TPTE2: variants seen among roughly 807,000 people sequenced by gnomAD.
TPTE2 encodes the protein transmembrane phosphoinositide 3-phosphatase and tensin homolog 2, also known as phosphatidylinositol 3,4,5-trisphosphate 3-phosphatase TPTE2.
A neutral mutation model predicts 78.6 loss-of-function variants in TPTE2; 53 were observed. The ratio of observed to expected loss-of-function variants is 0.67; its 90% CI spans 0.54 to 0.85. TPTE2 has a LOEUF of 0.85. Among genes scored for constraint, TPTE2 ranks in the 40% least tolerant of loss-of-function variants. The probability of loss-of-function intolerance (pLI) is 0.00; values close to 1 mark genes in which losing one functional copy is unlikely to be tolerated. For missense variants in TPTE2, 461 were observed against 623.0 expected (o/e 0.74, Z 2.77); for synonymous variants, 175 against 206.2 (o/e 0.85, Z 1.30).
intron 10 of TPTE2, among the ~76,000 whole-genome samples, chr13:19,457,766 GT>G: frequency 6.6e-6 from 1 of 151,868 alleles, no homozygotes; most frequent in African/African-American, 2.4e-5. Context: ...TTTTTTTGTT[GT>G]TGTTTTTTTA....
the TPTE2 span, among the ~76,000 whole-genome samples, chr13:19,545,293 A>G: frequency 6.6e-6 from 1 of 152,210 alleles, no homozygotes; most frequent in Non-Finnish European, 1.5e-5. Flanking sequence ...GATAAGGAAC[A>G]AAAAACAGGA....
Position 19,487,604 on chromosome 13 carries a change from C to T in TPTE2, c.120-5057G>A, listed in dbSNP as rs994890955. Among the ~76,000 whole-genome samples, 3 of 152,138 alleles carry T rather than the reference C, an allele frequency of 2.0e-5. No individual in the cohort carries two copies. In the East Asian group the frequency reaches 5.8e-4, roughly 29 times the overall value. On this transcript the variant is annotated intron_variant, in intron 3 of 19. Transcript: ENST00000400230. ...AAGTGTGGTGGTGGGGGTTGATTTCCCTGCTCTGCATTACTTGAGTTACAG... is the reference window on the plus strand; with the variant it reads ...AAGTGTGGTGGTGGGGGTTGATTTCTCTGCTCTGCATTACTTGAGTTACAG...
chr13:19,551,093 A>G, the TPTE2 span, among the ~76,000 whole-genome samples: 884 of 152,300 alleles, frequency 5.8e-3, 32 homozygotes, highest in East Asian at 0.083. Context: ...AGAAGAGGAA[A>G]CTAAGGCCCA....
chr13:19,433,666 G>C lies in TPTE2; in HGVS notation c.1117-1088C>G, dbSNP rs1482870149. On this transcript the variant is annotated intron_variant, in intron 15 of 19. Transcript: ENST00000400230. ...AGTCCTTAACTTAGGAGTAGATGTA[G>C]TCAGTAGAATGGCCCACAATGCAGG... Among the ~76,000 whole-genome samples, 9 of 152,160 alleles carry C rather than the reference G, an allele frequency of 5.9e-5. No homozygotes were observed. In the South Asian group the frequency reaches 6.2e-4, roughly 11 times the overall value.
chr13:19,464,333 AT>A, intron 10 of TPTE2, 122 bp downstream of exon 13: 4 of 1,055,532 alleles, frequency 3.8e-6, no homozygotes, highest in Middle Eastern at 2.1e-4. Flanking sequence ...ATCCATTATG[AT>A]TTTTTTACTT....
upstream of TPTE2, among the ~76,000 whole-genome samples, chr13:19,506,905 T>G (rs921384434): frequency 6.6e-6 from 1 of 152,198 alleles, no homozygotes; most frequent in African/African-American, 2.4e-5. Flanking sequence ...TTCTAAAAGT[T>G]TTGGCTACTA....
the TPTE2 span, among the ~76,000 whole-genome samples, chr13:19,547,232 G>A: frequency 6.6e-6 from 1 of 152,168 alleles, no homozygotes; most frequent in African/African-American, 2.4e-5. Context: ...TGAGGCGGGT[G>A]GATTGCTTGA....
chr13:19,507,289 A>G (rs1472527190), upstream of TPTE2, among the ~76,000 whole-genome samples: 1 of 142,934 alleles, frequency 7.0e-6, no homozygotes, highest in Non-Finnish European at 1.5e-5. Context: ...CCTACAACTA[A>G]TAAACTAGCT....
chr13:19,545,689 G>A, the TPTE2 span, among the ~76,000 whole-genome samples: 1 of 152,204 alleles, frequency 6.6e-6, no homozygotes, highest in Non-Finnish European at 1.5e-5. Context: ...AATGAAGCCA[G>A]TGGTTAACTA....
chr13:19,509,157 T>C (rs1170853495), intron 1 of TPTE2, among the ~76,000 whole-genome samples: 1 of 152,152 alleles, frequency 6.6e-6, no homozygotes, highest in Non-Finnish European at 1.5e-5. Context: ...AATTTACTGA[T>C]ATATAAGCAT....
intron 14 of TPTE2, among the ~76,000 whole-genome samples, chr13:19,437,177 A>C (rs981930661): frequency 6.6e-6 from 1 of 152,194 alleles, no homozygotes; most frequent in African/African-American, 2.4e-5. Context: ...CTGATAAATC[A>C]TGATCCACAG....
At chr13:19,465,301 C>T in exon 9 of TPTE2, 2 of 1,613,816 alleles carry the variant, frequency 1.2e-6, no homozygotes, top group Non-Finnish European at 1.7e-6. Flanking sequence ...TTGTGTATCG[C>T]CTTTTGTTTT....
chr13:19,494,942 T>C (rs978188436), intron 1 of TPTE2, among the ~76,000 whole-genome samples: 2 of 152,346 alleles, frequency 1.3e-5, no homozygotes, highest in Non-Finnish European at 1.5e-5. Context: ...ATTTGTCTTT[T>C]TATTAGAAAT....
intron 1 of TPTE2, among the ~76,000 whole-genome samples, chr13:19,517,557 C>T (rs1263994247): frequency 2.0e-5 from 3 of 152,140 alleles, no homozygotes; most frequent in African/African-American, 7.2e-5. Flanking sequence ...CAAAACTTTA[C>T]ATGATTTTAA....
intron 1 of TPTE2, among the ~76,000 whole-genome samples, chr13:19,496,562 CT>C (rs1431581131): frequency 2.0e-5 from 3 of 152,176 alleles, no homozygotes; most frequent in Non-Finnish European, 4.4e-5. Context: ...AGGTGCTGTG[CT>C]TGTGTTTGTG....
chr13:19,534,298 C>T (rs1871071288), intron 1 of TPTE2, among the ~76,000 whole-genome samples: 1 of 152,164 alleles, frequency 6.6e-6, no homozygotes, highest in Non-Finnish European at 1.5e-5. Flanking sequence ...ACTGAATGTG[C>T]ATCACCTTTG....
At chr13:19,545,239 C>A in the TPTE2 span, among the ~76,000 whole-genome samples, 5 of 152,032 alleles carry the variant, frequency 3.3e-5, no homozygotes, top group South Asian at 4.2e-4. Context: ...CTTCAAAAAG[C>A]CTTAAGAAGA....
chr13:19,455,443 A>G (rs1178021202), intron 10 of TPTE2, among the ~76,000 whole-genome samples: 2 of 152,182 alleles, frequency 1.3e-5, no homozygotes, highest in Non-Finnish European at 2.9e-5. Context: ...GGATGCCACA[A>G]AGGAGAGGCT....
chr13:19,519,878 T>TC (rs1870044849), intron 1 of TPTE2, among the ~76,000 whole-genome samples: 1 of 152,172 alleles, frequency 6.6e-6, no homozygotes, highest in African/African-American at 2.4e-5. Flanking sequence ...AGTGCTGTCA[T>TC]CTTAATAGTA....
Sources: allele counts gnomAD v4.1 joint callset (sites outside exome capture counted in the v4.1 genomes callset), GRCh38; gene constraint gnomAD v4.1.1; transcripts MANE v1.5; gene names NCBI Gene and HGNC (gene_info 2026-07-23, HGNC 2026-07-21).